GALK2: variants seen among roughly 807,000 people sequenced by gnomAD.
The protein encoded by GALK2 is N-acetylgalactosamine kinase.
GALK2 carries 36 observed loss-of-function variants against 52.4 expected under a neutral mutation model. The observed-to-expected ratio is 0.69, with a 90% CI of 0.53 to 0.91. GALK2 has a LOEUF of 0.91. GALK2 is among the 40% of genes least tolerant of loss of function. The pLI is 0.00. For synonymous variants in GALK2, 176 were observed against 199.1 expected (o/e 0.88, Z 0.98); for missense variants, 579 against 559.1 (o/e 1.04, Z -0.36).
chr15:49,232,401 G>T (rs1483086005), intron 3 of GALK2, among the ~76,000 whole-genome samples: 2 of 152,158 alleles, frequency 1.3e-5, no homozygotes, highest in Non-Finnish European at 2.9e-5. Context: ...AGACCTACAT[G>T]CCTGTGATGG....
intron 5 of GALK2, among the ~76,000 whole-genome samples, chr15:49,269,220 T>C (rs2141679652): frequency 6.6e-6 from 1 of 152,318 alleles, no homozygotes; most frequent in Non-Finnish European, 1.5e-5. Flanking sequence ...TCCCATGGTG[T>C]GTAGCATAGA....
At chr15:49,337,954 G>A (rs916027879) in intron 3 of GALK2, among the ~76,000 whole-genome samples, 10 of 152,086 alleles carry the variant, frequency 6.6e-5, no homozygotes, top group African/African-American at 1.7e-4. Flanking sequence ...GAACACTGCC[G>A]CAATAAACAT....
intron 2 of GALK2, among the ~76,000 whole-genome samples, chr15:49,215,112 T>C (rs78436494): frequency 0.022 from 3,389 of 152,336 alleles, 103 homozygotes; most frequent in South Asian, 0.077. Flanking sequence ...AGCCCCTTTA[T>C]ATGTTCTTTG....
chr15:49,353,816 TC>T (rs1481823511), intron 3 of GALK2: 1 of 152,212 alleles, frequency 6.6e-6, no homozygotes, highest in African/African-American at 2.4e-5. Flanking sequence ...AGCTAATTTA[TC>T]CTTTTAAAAA....
In GALK2 at chr15:49,295,737, A is replaced by C. The variant is rs531396358; in HGVS notation, c.967+3200A>C. 2.0e-5 allele frequency among the ~76,000 whole-genome samples: 3 copies of C among 152,238 alleles called. No homozygotes were observed. In the South Asian group the frequency reaches 6.2e-4, roughly 32 times the overall value. ...GTCTTCCCTCTGGGCTTTTAATCCT[A>C]AATACCACTGTGCTTTTATAAATGA... is the stretch of plus-strand genomic sequence containing the variant. On this transcript the variant is annotated intron_variant, in intron 8 of 9. Coordinates refer to ENST00000560031, the MANE Select transcript of GALK2 (RefSeq NM_002044.4).
intron 8 of GALK2, among the ~76,000 whole-genome samples, chr15:49,315,996 T>C (rs1178288107): frequency 6.6e-6 from 1 of 152,212 alleles, no homozygotes; most frequent in African/African-American, 2.4e-5. Flanking sequence ...CAAAGTGTAC[T>C]CTCCCTGATG....
At chr15:49,358,181 A>G (rs1417805296) in intron 3 of GALK2, among the ~76,000 whole-genome samples, 2 of 151,632 alleles carry the variant, frequency 1.3e-5, no homozygotes, top group Non-Finnish European at 2.9e-5. Context: ...GTGGCACAAG[A>G]CAGGGATGCC....
At chr15:49,176,891 T>A (rs1287860527) in intron 1 of GALK2, among the ~76,000 whole-genome samples, 1 of 152,212 alleles carries the variant, frequency 6.6e-6, no homozygotes, top group Non-Finnish European at 1.5e-5. Context: ...TAGAACCATT[T>A]ATAAAAAGAA....
intron 5 of GALK2, among the ~76,000 whole-genome samples, chr15:49,267,775 CCTTA>C (rs768257501): frequency 2.0e-5 from 3 of 151,972 alleles, no homozygotes; most frequent in South Asian, 2.1e-4. Flanking sequence ...GAAGTAAAAT[CCTTA>C]CTTCTTTCAT....
intron 5 of GALK2, among the ~76,000 whole-genome samples, chr15:49,249,177 G>C (rs564905247): frequency 1.3e-5 from 2 of 152,258 alleles, no homozygotes; most frequent in Admixed American, 1.3e-4. Flanking sequence ...GAAAATACAA[G>C]GATAGATAAC....
chr15:49,241,674 A>G (rs1595800186), intron 5 of GALK2, among the ~76,000 whole-genome samples: 1 of 152,336 alleles, frequency 6.6e-6, no homozygotes, highest in East Asian at 1.9e-4. Flanking sequence ...GATGCATAGA[A>G]AAAGATAATT....
At position 49,330,758 on chromosome 15, in the gene GALK2, A is replaced by AT. The variant is rs1567081713; in HGVS notation, c.*2599_*2600insT. 1 of 149,302 alleles carries AT rather than the reference A, an allele frequency of 6.7e-6. No individual in the cohort carries two copies. Among genetic ancestry groups the AT allele is most frequent in the East Asian group, 1.9e-4 (1 of 5,134 alleles). 9.2% of individuals were successfully genotyped at this position (149,302 alleles called of 1,614,324 possible). A position where few individuals can be genotyped will look rare whatever the true frequency, so the allele number is the denominator to read the frequency against. On this transcript the variant is annotated 3_prime_UTR_variant, in exon 10 of 10. Transcript: ENST00000560031. ...GAAGATAGACCAAAAAAAAAAAAAA[A>AT]GAGAGAAAGAATGAATATTTTTGTG...
intron 1 of GALK2, among the ~76,000 whole-genome samples, chr15:49,187,293 A>G (rs990552302): frequency 6.6e-6 from 1 of 152,144 alleles, no homozygotes; most frequent in African/African-American, 2.4e-5. Flanking sequence ...CCCAAAGAGA[A>G]TTTCTTTCTC....
chr15:49,317,532 C>G (rs1219835188), intron 8 of GALK2, among the ~76,000 whole-genome samples: 1 of 151,984 alleles, frequency 6.6e-6, no homozygotes, highest in Admixed American at 6.6e-5. Flanking sequence ...CTAGAAAGAC[C>G]ATTTGACCCA....
In GALK2 at chr15:49,255,166, A is replaced by G. The variant is rs997018854; in HGVS notation, c.504+15799A>G. On this transcript the variant is annotated intron_variant, in intron 5 of 9. Transcript: ENST00000560031. ...ATGCAGTTCATATTCAAATTTCCCA[A>G]TTGTCTCAATAGTAATGTCCTTTAG... 7.7e-5 allele frequency among the ~76,000 whole-genome samples: 11 copies of G among 142,962 alleles called. 2 individuals are homozygous for G. Among genetic ancestry groups the G allele is most frequent in the African/African-American group, 2.7e-4 (11 of 40,148 alleles). 93.8% of individuals were successfully genotyped at this position (142,962 alleles called of 152,430 possible).
Position 49,359,558 on chromosome 15 carries a change from A to G in GALK2, c.427-7933A>G, listed in dbSNP as rs1181538932. On this transcript the variant is annotated intron_variant, in intron 3 of 3. Transcript: ENST00000558399. ...AATGAGATACCATCTCACACCAGTT[A>G]GAATGGCAATCATTAAAAAGTCAGG... 2.6e-5 allele frequency among the ~76,000 whole-genome samples: 3 copies of G among 117,202 alleles called. 1 individual carries two copies. Among genetic ancestry groups the G allele is most frequent in the East Asian group, 4.9e-4 (2 of 4,048 alleles). 76.9% of individuals were successfully genotyped at this position (117,202 alleles called of 152,430 possible). A position where few individuals can be genotyped will look rare whatever the true frequency, so the allele number is the denominator to read the frequency against.
intron 1 of GALK2, among the ~76,000 whole-genome samples, chr15:49,184,047 C>G (rs1190238907): frequency 1.3e-5 from 2 of 152,018 alleles, no homozygotes; most frequent in African/African-American, 4.8e-5. Flanking sequence ...ATGATCTGTC[C>G]AATGCTGAAA....
At chr15:49,304,924 A>C (rs1218670007) in intron 8 of GALK2, among the ~76,000 whole-genome samples, 1 of 152,166 alleles carries the variant, frequency 6.6e-6, no homozygotes, top group African/African-American at 2.4e-5. Context: ...ATCTGGTGAA[A>C]GCTTACTTGG....
At chr15:49,173,245 G>C (rs2085220608) in intron 1 of GALK2, among the ~76,000 whole-genome samples, 1 of 152,100 alleles carries the variant, frequency 6.6e-6, no homozygotes, top group Non-Finnish European at 1.5e-5. Context: ...ACATGTATCA[G>C]TATATCATTC....
Sources: gnomAD v4.1 joint callset for allele counts (sites outside exome capture counted in the v4.1 genomes callset) on GRCh38, gnomAD v4.1.1 for gene constraint, MANE v1.5 for transcripts, NCBI Gene and HGNC (gene_info 2026-07-23, HGNC 2026-07-21) for gene names.